Variants in TRPC7 observed in about 807,000 individuals in gnomAD.
The protein encoded by TRPC7 is transient receptor potential cation channel subfamily C member 7.
Under a neutral mutation model 90.1 loss-of-function variants are expected in TRPC7, and 42 were observed. That is an observed-to-expected ratio of 0.47 (90% CI 0.36 to 0.60). TRPC7 has a LOEUF of 0.60. Among genes scored for constraint, TRPC7 ranks in the 20% least tolerant of loss-of-function variants. The pLI is 0.00. For missense variants in TRPC7, 955 were observed against 1,112.3 expected, an observed-to-expected ratio of 0.86 and a Z score of 2.01; for synonymous variants, 451 against 436.3, an observed-to-expected ratio of 1.03 and a Z score of -0.42.
chr5:136,310,128 T>A (rs1396607881), intron 3 of TRPC7, among the ~76,000 whole-genome samples: 1 of 152,170 alleles, frequency 6.6e-6, no homozygotes, highest in Non-Finnish European at 1.5e-5. Context: ...CCGTTCACCC[T>A]CTTTCAGTTC....
At chr5:136,290,193 A>G in intron 3 of TRPC7, among the ~76,000 whole-genome samples, 1 of 152,200 alleles carries the variant, frequency 6.6e-6, no homozygotes, top group Middle Eastern at 3.2e-3. Flanking sequence ...AGATGGGGAA[A>G]AAACAGAGCA....
intron 7 of TRPC7, among the ~76,000 whole-genome samples, chr5:136,231,862 C>A (rs1333807045): frequency 6.6e-6 from 1 of 152,182 alleles, no homozygotes; most frequent in African/African-American, 2.4e-5. Context: ...ATCTTAGCCT[C>A]CCACAGTGCT....
At chr5:136,336,403 C>T (rs1400730537) in intron 2 of TRPC7, among the ~76,000 whole-genome samples, 1 of 152,020 alleles carries the variant, frequency 6.6e-6, no homozygotes, top group Non-Finnish European at 1.5e-5. Flanking sequence ...ATTTCTTCAC[C>T]TGTAAAATGG....
At chr5:136,228,365 C>T (rs1755698506) in intron 8 of TRPC7, among the ~76,000 whole-genome samples, 1 of 150,462 alleles carries the variant, frequency 6.6e-6, no homozygotes, top group Non-Finnish European at 1.5e-5. Flanking sequence ...CTTGAGGATG[C>T]CGGCAGTAAG....
At chr5:136,273,964 C>T (rs551127006) in intron 4 of TRPC7, among the ~76,000 whole-genome samples, 20 of 152,266 alleles carry the variant, frequency 1.3e-4, no homozygotes, top group African/African-American at 4.6e-4. Context: ...CAGCTTGGCA[C>T]CTGCAGTTTC....
intron 4 of TRPC7, among the ~76,000 whole-genome samples, chr5:136,266,847 C>G (rs946309412): frequency 3.9e-5 from 6 of 152,168 alleles, no homozygotes; most frequent in Admixed American, 2.6e-4. Flanking sequence ...GGTATTTGTT[C>G]TCAACCTTTC....
chr5:136,315,946 A>G (rs1759008994), intron 2 of TRPC7, 167 bp from the exon 3 acceptor site: 2 of 659,626 alleles, frequency 3.0e-6, no homozygotes, highest in Non-Finnish European at 5.1e-6. Flanking sequence ...AAGGCGGGGC[A>G]ATTTCTCTTG....
At chr5:136,215,069 T>A (rs1440964449) in intron 11 of TRPC7, among the ~76,000 whole-genome samples, 4 of 152,080 alleles carry the variant, frequency 2.6e-5, no homozygotes, top group Non-Finnish European at 5.9e-5. Flanking sequence ...ATTCATTAGG[T>A]CTGGGTGGGG....
At chr5:136,219,183 G>T (rs543689889) in intron 10 of TRPC7, among the ~76,000 whole-genome samples, 1 of 152,306 alleles carries the variant, frequency 6.6e-6, no homozygotes, top group East Asian at 1.9e-4. Flanking sequence ...GAAGAAGGGG[G>T]TCTCTGCTCT....
At chr5:136,223,530 T>C (rs1380501635) in intron 10 of TRPC7, among the ~76,000 whole-genome samples, 2 of 151,912 alleles carry the variant, frequency 1.3e-5, no homozygotes, top group African/African-American at 4.8e-5. Context: ...AGAGAATCAC[T>C]TGAACCTGGG....
chr5:136,305,434 T>A (rs1289393205), intron 3 of TRPC7, among the ~76,000 whole-genome samples: 1 of 152,282 alleles, frequency 6.6e-6, no homozygotes, highest in East Asian at 1.9e-4. Flanking sequence ...CTTCTCAGTG[T>A]TCCATCTGCT....
chr5:136,290,673 C>T (rs914190519), intron 3 of TRPC7, among the ~76,000 whole-genome samples: 1 of 152,142 alleles, frequency 6.6e-6, no homozygotes, highest in African/African-American at 2.4e-5. Context: ...AATTGGTGTA[C>T]CTGAAAGTGA....
At chr5:136,266,092 G>A (rs1757018865) in intron 5 of TRPC7, 128 bp downstream of exon 5, 4 of 800,468 alleles carry the variant, frequency 5.0e-6, no homozygotes, top group African/African-American at 1.7e-5. Context: ...TTTCTTGTTG[G>A]TCATCCACTC....
rs576602589 is a variant in TRPC7 at position 136,226,054 on chromosome 5, T to C, written c.2242A>G (p.Met748Val). Residue 748 changes from methionine (M) to valine (V), a missense_variant, in exon 9 of 12, where the codon ATG becomes GTG. Coordinates refer to ENST00000513104, the MANE Select transcript of TRPC7 (RefSeq NM_020389.3). Reference sequence around the variant, plus strand: ...CCTACCTTGAATTTGGAATTCAGCATGCCCATTTCAAGGTCATTTTCACAG... The same window carrying C: ...CCTACCTTGAATTTGGAATTCAGCACGCCCATTTCAAGGTCATTTTCACAG... Reference protein sequence around the residue: ...KSCENDLEMGMLNSKFKKTRY... With the variant: ...KSCENDLEMGVLNSKFKKTRY... The C allele has an allele frequency of 1.9e-6, 3 of 1,599,466 alleles. No individual in the cohort carries two copies. In the African/African-American group the frequency reaches 4.0e-5, roughly 21 times the overall value.
chr5:136,328,713 G>A (rs1279551156), intron 2 of TRPC7, among the ~76,000 whole-genome samples: 1 of 152,262 alleles, frequency 6.6e-6, no homozygotes, highest in African/African-American at 2.4e-5. Flanking sequence ...CACACAATAT[G>A]TGGCAAGTAT....
At chr5:136,300,820 CATCT>C (rs1758353609) in intron 3 of TRPC7, among the ~76,000 whole-genome samples, 1 of 152,196 alleles carries the variant, frequency 6.6e-6, no homozygotes, top group Non-Finnish European at 1.5e-5. Flanking sequence ...CTGAACACAC[CATCT>C]ATCTATTCAC....
intron 5 of TRPC7, among the ~76,000 whole-genome samples, chr5:136,255,409 G>A (rs1240991649): frequency 6.6e-6 from 1 of 152,206 alleles, no homozygotes; most frequent in East Asian, 1.9e-4. Context: ...CCCTCCACCA[G>A]CAAAAAGATT....
intron 2 of TRPC7, among the ~76,000 whole-genome samples, chr5:136,328,189 C>A (rs1759402199): frequency 6.6e-6 from 1 of 152,120 alleles, no homozygotes; most frequent in Non-Finnish European, 1.5e-5. Flanking sequence ...CATTTATTGC[C>A]TCAGCTTTCT....
At chr5:136,239,286 C>T (rs986610858) in intron 7 of TRPC7, among the ~76,000 whole-genome samples, 25 of 152,214 alleles carry the variant, frequency 1.6e-4, no homozygotes, top group African/African-American at 5.1e-4. Context: ...TGTGCCCAGC[C>T]GGTCCTGACT....
Sources: allele counts gnomAD v4.1 joint callset (sites outside exome capture counted in the v4.1 genomes callset), GRCh38; gene constraint gnomAD v4.1.1; transcripts MANE v1.5; gene names NCBI Gene and HGNC (gene_info 2026-07-23, HGNC 2026-07-21).